The following SYNPO2 variants were observed in gnomAD, a reference collection of about 807,000 sequenced individuals.
SYNPO2 encodes the protein synaptopodin-2.
Under a neutral mutation model 85.0 loss-of-function variants are expected in SYNPO2, and 56 were observed. The ratio of observed to expected loss-of-function variants is 0.66; its 90% confidence interval spans 0.53 to 0.82. The LOEUF (loss-of-function observed/expected upper bound fraction) is 0.82, where lower values mean the gene tolerates loss of function less well. Ranked by LOEUF, SYNPO2 falls within the 40% of genes least tolerant of loss-of-function variation. The probability of loss-of-function intolerance (pLI) is 0.00; values close to 1 mark genes in which losing one functional copy is unlikely to be tolerated. For synonymous variants in SYNPO2, 602 were observed against 591.1 expected, an observed-to-expected ratio of 1.02 and a Z score of -0.27; for missense variants, 1,575 against 1,534.2, an observed-to-expected ratio of 1.03 and a Z score of -0.44.
rs931575294 is a variant in SYNPO2 at position 119,051,471 on chromosome 4, G to A, written c.3253-5930G>A. On this transcript the variant is annotated intron_variant, in intron 4 of 4. Transcript: ENST00000307142. ...CTCCCAAAGTGCTGGGATTACAGGC[G>A]TGAGCCACCGCGCCCGGCCGGGAAG... is the stretch of plus-strand genomic sequence containing the variant. Among the ~76,000 whole-genome samples the A allele has an allele frequency of 2.5e-4, 38 of 151,972 alleles. 1 individual carries two copies. Among genetic ancestry groups the A allele is most frequent in the African/African-American group, 9.2e-4 (38 of 41,452 alleles).
At chr4:118,892,322 A>G (rs553993047) in intron 1 of SYNPO2, among the ~76,000 whole-genome samples, 1 of 152,304 alleles carries the variant, frequency 6.6e-6, no homozygotes, top group South Asian at 2.1e-4. Context: ...AAATGTTTGT[A>G]TATCTTTTAA....
intron 1 of SYNPO2, among the ~76,000 whole-genome samples, chr4:118,920,884 C>T (rs1178641922): frequency 1.3e-5 from 2 of 151,250 alleles, no homozygotes; most frequent in African/African-American, 2.4e-5. Context: ...CACCTGATTT[C>T]TTTTCTTTTT....
At chr4:118,917,377 G>C (rs1336163293) in intron 1 of SYNPO2, among the ~76,000 whole-genome samples, 2 of 152,000 alleles carry the variant, frequency 1.3e-5, no homozygotes, top group African/African-American at 2.4e-5. Flanking sequence ...GGTAATAAGA[G>C]TGAAACTCCA....
Position 119,035,346 on chromosome 4 carries a change from G to C in SYNPO2, c.3252+3319G>C. 5.1e-6 allele frequency: 5 copies of C among 985,446 alleles called. No individual in the cohort carries two copies. In the South Asian group the frequency reaches 2.3e-4, roughly 46 times the overall value. The allele number at this position is 985,446 out of a possible 1,614,324, so 61.0% of individuals were successfully genotyped here. A position where few individuals can be genotyped will look rare whatever the true frequency, so the allele number is the denominator to read the frequency against. On this transcript the variant is annotated intron_variant, in intron 4 of 4. Coordinates refer to ENST00000307142, the MANE Select transcript of SYNPO2 (RefSeq NM_133477.3). ...CAGCATATTCCCCTCAGTCTTCTAG[G>C]AGGGCAGAGTGAATCCCAGAACTGG...
At chr4:118,902,902 T>C (rs969167199) in intron 1 of SYNPO2, among the ~76,000 whole-genome samples, 2 of 152,196 alleles carry the variant, frequency 1.3e-5, no homozygotes, top group African/African-American at 4.8e-5. Context: ...AGTTTTGCTG[T>C]ATTTTCTAAT....
intron 1 of SYNPO2, among the ~76,000 whole-genome samples, chr4:118,874,223 T>G (rs1010448066): frequency 6.6e-6 from 1 of 152,232 alleles, no homozygotes; most frequent in East Asian, 1.9e-4. Flanking sequence ...ATGTAAATGT[T>G]ATTTATGTTT....
chr4:119,007,253 CATATATATATATAT>C lies in SYNPO2; in HGVS notation c.106-16168_106-16155del, dbSNP rs59327133. On this transcript the variant is annotated intron_variant, in intron 1 of 4. Transcript: ENST00000307142. ...ATATATATATATATATATGTATATA[CATATATATATATAT>C]ATATATATGTATATACATATATATA... Among the ~76,000 whole-genome samples, 37 of 38,118 alleles carry C rather than the reference CATATATATATATAT, an allele frequency of 9.7e-4. 1 individual carries two copies. The highest frequency in any genetic ancestry group is 0.018 in the Middle Eastern group (1 of 56). The allele number at this position is 38,118 out of a possible 152,430, so 25.0% of individuals were successfully genotyped here.
At chr4:118,878,874 C>G (rs1361000231) in intron 1 of SYNPO2, among the ~76,000 whole-genome samples, 2 of 152,234 alleles carry the variant, frequency 1.3e-5, no homozygotes, top group African/African-American at 2.4e-5. Flanking sequence ...AGGTCCTTTT[C>G]TGTCTTGTGG....
intron 1 of SYNPO2, among the ~76,000 whole-genome samples, chr4:118,918,562 T>C (rs1311179559): frequency 6.6e-6 from 1 of 152,204 alleles, no homozygotes; most frequent in African/African-American, 2.4e-5. Context: ...GGAATAGTTC[T>C]CCTCTGACTC....
At chr4:118,936,797 G>A (rs892866657) in intron 1 of SYNPO2, among the ~76,000 whole-genome samples, 1 of 152,022 alleles carries the variant, frequency 6.6e-6, no homozygotes, top group Admixed American at 6.5e-5. Context: ...ACTTACACTG[G>A]TGTTAACTCT....
chr4:118,893,382 G>A (rs1165808569), intron 1 of SYNPO2, among the ~76,000 whole-genome samples: 1 of 152,180 alleles, frequency 6.6e-6, no homozygotes, highest in Non-Finnish European at 1.5e-5. Flanking sequence ...TATGTGCCAG[G>A]AAAATTTGCA....
At chr4:118,873,559 C>G (rs1731842161) in intron 1 of SYNPO2, among the ~76,000 whole-genome samples, 1 of 151,796 alleles carries the variant, frequency 6.6e-6, no homozygotes, top group African/African-American at 2.4e-5. Context: ...TTATTATTTG[C>G]TATTGTTTTT....
At chr4:118,867,737 A>G (rs958637412) in intron 1 of SYNPO2, among the ~76,000 whole-genome samples, 1 of 105,962 alleles carries the variant, frequency 9.4e-6, no homozygotes, top group Non-Finnish European at 2.4e-5. Context: ...GGTCAAAACA[A>G]TTTTCTCAAA....
At chr4:118,977,360 C>G (rs1378978962) in intron 1 of SYNPO2, among the ~76,000 whole-genome samples, 4 of 152,222 alleles carry the variant, frequency 2.6e-5, no homozygotes, top group Admixed American at 2.6e-4. Context: ...GCCTGCCAAC[C>G]CCACGCCCAC....
chr4:119,004,574 G>T (rs956936508), intron 1 of SYNPO2, among the ~76,000 whole-genome samples: 4 of 148,856 alleles, frequency 2.7e-5, no homozygotes, highest in Non-Finnish European at 6.0e-5. Flanking sequence ...TTTTATGGCT[G>T]CATAGTATTC....
At chr4:118,864,643 T>C in intron 1 of SYNPO2, among the ~76,000 whole-genome samples, 1 of 152,228 alleles carries the variant, frequency 6.6e-6, no homozygotes, top group Non-Finnish European at 1.5e-5. Flanking sequence ...GGTATGTATT[T>C]ATTTACAATT....
At position 119,029,826 on chromosome 4, in the gene SYNPO2, T is replaced by TTC. The variant is rs758082108; in HGVS notation, c.1070-18_1070-17insCT. ...AACTCATCAGCTCAATATAATTTTTTTTTTTTTGCTTTCCCTAGGGCTCAG... is the reference window on the plus strand; with the variant it reads ...AACTCATCAGCTCAATATAATTTTTTTCTTTTTTTGCTTTCCCTAGGGCTCAG... On this transcript the variant is annotated intron_variant, in intron 3 of 4. Coordinates refer to ENST00000307142, the MANE Select transcript of SYNPO2 (RefSeq NM_133477.3). 43 of 1,521,892 alleles carry TTC rather than the reference T, an allele frequency of 2.8e-5. No individual in the cohort carries two copies. The highest frequency in any genetic ancestry group is 2.1e-5 in the Non-Finnish European group (24 of 1,139,098). 94.3% of individuals were successfully genotyped at this position (1,521,892 alleles called of 1,614,324 possible).
chr4:118,857,938 C>G (rs113152958), intron 1 of SYNPO2, among the ~76,000 whole-genome samples: 6 of 152,260 alleles, frequency 3.9e-5, no homozygotes, highest in African/African-American at 1.4e-4. Context: ...TTAGTCATGC[C>G]TTGTTTACCT....
chr4:118,960,242 C>T (rs13122872), intron 1 of SYNPO2, among the ~76,000 whole-genome samples: 43,532 of 152,088 alleles, frequency 0.29, 6,957 homozygotes, highest in East Asian at 0.42. Flanking sequence ...CACTAGTTTG[C>T]AGTCATTTGT....
Sources: gnomAD v4.1 joint callset for allele counts (sites outside exome capture counted in the v4.1 genomes callset) on GRCh38, gnomAD v4.1.1 for gene constraint, MANE v1.5 for transcripts, NCBI Gene and HGNC (gene_info 2026-07-23, HGNC 2026-07-21) for gene names.